KCNH7: variants seen among roughly 807,000 people sequenced by gnomAD.
KCNH7 encodes the protein voltage-gated inwardly rectifying potassium channel KCNH7.
A neutral mutation model predicts 120.8 loss-of-function variants in KCNH7; 49 were observed. The observed-to-expected ratio is 0.41, with a 90% CI of 0.32 to 0.51. The LOEUF is 0.51. Among genes scored for constraint, KCNH7 ranks in the 20% least tolerant of loss-of-function variants. KCNH7 has a pLI of 0.38. For synonymous variants in KCNH7, 547 were observed against 516.1 expected, an observed-to-expected ratio of 1.06 and a Z score of -0.81; for missense variants, 1,097 against 1,446.6, an observed-to-expected ratio of 0.76 and a Z score of 3.92.
chr2:162,712,559 A>T (rs1686964595), intron 2 of KCNH7, among the ~76,000 whole-genome samples: 1 of 152,200 alleles, frequency 6.6e-6, no homozygotes, highest in South Asian at 2.1e-4. Flanking sequence ...TTTGAAACAG[A>T]CAGCTCTCAG....
At chr2:162,773,343 C>G (rs760092271) in intron 2 of KCNH7, among the ~76,000 whole-genome samples, 4 of 152,084 alleles carry the variant, frequency 2.6e-5, no homozygotes, top group Admixed American at 6.6e-5. Flanking sequence ...CAAAAATTAG[C>G]TGGGCATGGT....
chr2:162,454,576 A>T (rs1449796125), intron 6 of KCNH7, among the ~76,000 whole-genome samples: 2 of 152,094 alleles, frequency 1.3e-5, no homozygotes. Flanking sequence ...GATTCTTCCC[A>T]TCCATGAGCA....
chr2:162,649,047 T>C (rs1466163362), intron 2 of KCNH7, among the ~76,000 whole-genome samples: 1 of 152,202 alleles, frequency 6.6e-6, no homozygotes, highest in Non-Finnish European at 1.5e-5. Flanking sequence ...TACATCAGTA[T>C]TAGGTAATAA....
chr2:162,724,299 A>G (rs1052800536), intron 2 of KCNH7, among the ~76,000 whole-genome samples: 1 of 152,224 alleles, frequency 6.6e-6, no homozygotes, highest in African/African-American at 2.4e-5. Context: ...TTTTTCCTAT[A>G]CATACATACC....
At position 162,757,013 on chromosome 2, in the gene KCNH7, G is replaced by A. The variant is rs372250980; in HGVS notation, c.307+79524C>T. Among the ~76,000 whole-genome samples the A allele has an allele frequency of 2.2e-4, 34 of 152,256 alleles. 1 individual carries two copies. The highest frequency in any genetic ancestry group is 7.0e-4 in the African/African-American group (29 of 41,558). On this transcript the variant is annotated intron_variant, in intron 2 of 15. Coordinates refer to ENST00000332142, the MANE Select transcript of KCNH7 (RefSeq NM_033272.4). ...TAACCGTGGTAAAATTAAGTCCTGTGTACATTCCACTGTGAAATTTACTTT... is the reference window on the plus strand; with the variant it reads ...TAACCGTGGTAAAATTAAGTCCTGTATACATTCCACTGTGAAATTTACTTT...
At chr2:162,625,210 A>G (rs971051877) in intron 2 of KCNH7, among the ~76,000 whole-genome samples, 2 of 152,012 alleles carry the variant, frequency 1.3e-5, no homozygotes, top group African/African-American at 4.8e-5. Context: ...GTGCACTCTT[A>G]ACTCTAAATC....
chr2:162,416,023 A>C (rs926439031), intron 9 of KCNH7, among the ~76,000 whole-genome samples: 4 of 152,066 alleles, frequency 2.6e-5, no homozygotes, highest in Admixed American at 1.3e-4. Context: ...TGTTCTTTAG[A>C]TATCTAGTCA....
At chr2:162,752,988 GAAAA>G (rs1688645593) in intron 2 of KCNH7, among the ~76,000 whole-genome samples, 1 of 126,012 alleles carries the variant, frequency 7.9e-6, no homozygotes, top group Non-Finnish European at 1.5e-5. Context: ...GAAAAGAAAA[GAAAA>G]GAAAAGAAAA....
At chr2:162,480,837 G>T (rs1248227081) in intron 6 of KCNH7, among the ~76,000 whole-genome samples, 5 of 152,254 alleles carry the variant, frequency 3.3e-5, no homozygotes, top group East Asian at 1.9e-4. Context: ...AAGTGAGGGG[G>T]TTAAGGAAAA....
rs555243312 is a variant in KCNH7, at chr2:162,504,926, G to T, written c.914-269C>A. Among the ~76,000 whole-genome samples, 7 of 152,012 alleles carry T rather than the reference G, an allele frequency of 4.6e-5. No homozygotes were observed. In the South Asian group the frequency reaches 1.5e-3, roughly 32 times the overall value. On this transcript the variant is annotated intron_variant, in intron 5 of 15. Transcript: ENST00000332142. Reference sequence around the variant, plus strand: ...TGTTAATTAGTTTCTTTCATTAAAAGCTAGAATAAAAGAAAAAACTACACT... The same window carrying T: ...TGTTAATTAGTTTCTTTCATTAAAATCTAGAATAAAAGAAAAAACTACACT...
At chr2:162,405,094 TA>T (rs1687170322) in intron 9 of KCNH7, among the ~76,000 whole-genome samples, 2 of 152,030 alleles carry the variant, frequency 1.3e-5, no homozygotes, top group Non-Finnish European at 2.9e-5. Flanking sequence ...GGAAAGATTT[TA>T]AAAATTTCAA....
intron 7 of KCNH7, among the ~76,000 whole-genome samples, chr2:162,435,865 T>C (rs1463216654): frequency 6.6e-6 from 1 of 152,104 alleles, no homozygotes; most frequent in African/African-American, 2.4e-5. Flanking sequence ...TCTAAGTGCC[T>C]TGCATAAGTC....
At chr2:162,585,975 CAT>C (rs1694008461) in intron 2 of KCNH7, among the ~76,000 whole-genome samples, 1 of 152,054 alleles carries the variant, frequency 6.6e-6, no homozygotes, top group African/African-American at 2.4e-5. Flanking sequence ...TGTATTTTCA[CAT>C]AATAAAATTT....
At chr2:162,786,024 C>A (rs140952195) in intron 2 of KCNH7, among the ~76,000 whole-genome samples, 19 of 152,098 alleles carry the variant, frequency 1.2e-4, no homozygotes, top group African/African-American at 3.1e-4. Context: ...GGGCAGATCA[C>A]AAGGTTAGCA....
intron 13 of KCNH7, among the ~76,000 whole-genome samples, chr2:162,381,082 T>C (rs752955297): frequency 6.6e-6 from 1 of 151,866 alleles, no homozygotes; most frequent in Non-Finnish European, 1.5e-5. Context: ...GAGCTGGGAG[T>C]TGACTTTGGA....
chr2:162,660,939 G>A (rs13390563), intron 2 of KCNH7, among the ~76,000 whole-genome samples: 33,483 of 152,000 alleles, frequency 0.22, 5,728 homozygotes, highest in African/African-American at 0.47. Flanking sequence ...TCTATACCAC[G>A]CTTCCCAGTG....
intron 7 of KCNH7, among the ~76,000 whole-genome samples, chr2:162,438,413 A>C (rs1168370728): frequency 1.3e-5 from 2 of 152,196 alleles, no homozygotes; most frequent in African/African-American, 4.8e-5. Flanking sequence ...TATAATGTGC[A>C]TAGTAACATA....
At chr2:162,554,956 T>C (rs1375323475) in intron 2 of KCNH7, among the ~76,000 whole-genome samples, 1 of 152,194 alleles carries the variant, frequency 6.6e-6, no homozygotes, top group African/African-American at 2.4e-5. Flanking sequence ...TCTAGAAAGA[T>C]AAGAACTTAT....
intron 2 of KCNH7, among the ~76,000 whole-genome samples, chr2:162,544,823 T>C (rs1040537999): frequency 2.0e-5 from 3 of 152,114 alleles, no homozygotes; most frequent in Non-Finnish European, 4.4e-5. Context: ...TTTTAATCTA[T>C]TCAGTCCTAC....
Sources: gnomAD v4.1 joint callset for allele counts (sites outside exome capture counted in the v4.1 genomes callset) on GRCh38, gnomAD v4.1.1 for gene constraint, MANE v1.5 for transcripts, NCBI Gene and HGNC (gene_info 2026-07-23, HGNC 2026-07-21) for gene names.